TENM3: variants seen among roughly 807,000 people sequenced by gnomAD.
TENM3 encodes teneurin-3.
In TENM3, 63 loss-of-function variants were observed where a neutral mutation model predicts 255.1. That is an observed-to-expected ratio of 0.25 (90% CI 0.20 to 0.30). The LOEUF is 0.30. Among genes scored for constraint, TENM3 ranks in the 10% least tolerant of loss-of-function variants. The probability of loss-of-function intolerance (pLI) is 1.00; values close to 1 mark genes in which losing one functional copy is unlikely to be tolerated. For synonymous variants in TENM3, 1,306 were observed against 1,322.3 expected, an observed-to-expected ratio of 0.99 and a Z score of 0.27; for missense variants, 2,929 against 3,461.1, an observed-to-expected ratio of 0.85 and a Z score of 3.86.
At chr4:182,121,125 A>AGG in the TENM3 span, among the ~76,000 whole-genome samples, 3 of 151,706 alleles carry the variant, frequency 2.0e-5, no homozygotes, top group East Asian at 3.9e-4. Context: ...CAGCCTCCCG[A>AGG]GTAGCTGGGA....
the TENM3 span, among the ~76,000 whole-genome samples, chr4:182,055,209 T>C: frequency 1.1e-3 from 172 of 152,146 alleles, 1 homozygote; most frequent in African/African-American, 4.0e-3. Flanking sequence ...TAGCCCAGCA[T>C]GGTGGTGCAC....
At chr4:181,463,617 G>T in the TENM3 span, among the ~76,000 whole-genome samples, 3 of 152,148 alleles carry the variant, frequency 2.0e-5, no homozygotes, top group Admixed American at 6.5e-5. Flanking sequence ...ATTGTTGGTA[G>T]CAAATTTCTT....
the TENM3 span, among the ~76,000 whole-genome samples, chr4:181,659,293 G>A: frequency 6.6e-6 from 1 of 152,094 alleles, no homozygotes; most frequent in African/African-American, 2.4e-5. Flanking sequence ...GGGTGGGCCA[G>A]TTCCTCCTCT....
At chr4:182,151,380 A>G (rs1028660385) in intron 1 of TENM3, among the ~76,000 whole-genome samples, 2 of 152,124 alleles carry the variant, frequency 1.3e-5, no homozygotes, top group African/African-American at 4.8e-5. Context: ...TTTTCAGTCT[A>G]CCTAATGTTC....
At chr4:181,574,896 A>T in the TENM3 span, among the ~76,000 whole-genome samples, 25 of 152,140 alleles carry the variant, frequency 1.6e-4, 1 homozygote, top group African/African-American at 5.6e-4. Flanking sequence ...AATTATGGAG[A>T]TGCCAATATA....
intron 1 of TENM3, among the ~76,000 whole-genome samples, chr4:182,323,444 A>G (rs1026843608): frequency 5.3e-5 from 8 of 151,804 alleles, no homozygotes; most frequent in South Asian, 2.1e-4. Flanking sequence ...AAAAAGTTCA[A>G]TGCATTTGAC....
At chr4:182,189,829 T>TAGTGC (rs1219522389) in intron 1 of TENM3, among the ~76,000 whole-genome samples, 2 of 152,088 alleles carry the variant, frequency 1.3e-5, no homozygotes, top group Admixed American at 6.5e-5. Flanking sequence ...GAGAACTGAG[T>TAGTGC]AGTGCCAAAG....
the TENM3 span, among the ~76,000 whole-genome samples, chr4:181,860,981 A>G: frequency 6.6e-6 from 1 of 151,926 alleles, no homozygotes; most frequent in Non-Finnish European, 1.5e-5. Context: ...TCTCACAAAC[A>G]GGGGTTGATA....
rs1174074047 is a variant in TENM3, at chr4:182,755,081, C to T, written c.4714C>T (p.Arg1572Cys). The T allele has an allele frequency of 1.2e-6, 2 of 1,613,964 alleles. No individual in the cohort carries two copies. The highest frequency in any genetic ancestry group is 1.7e-6 in the Non-Finnish European group (2 of 1,179,898). Residue 1572 changes from arginine (R) to cysteine (C), a missense_variant, in exon 22 of 28, where the codon CGC (arginine) becomes TGC (cysteine). Physicochemically the swap from Arg to Cys is radical, Grantham distance 180. This residue lies in a region of TENM3 where 1,608 missense variants were observed against 1,884.4 expected (regional missense o/e 0.85). Coordinates refer to ENST00000511685, the MANE Select transcript of TENM3 (RefSeq NM_001080477.4). Reference protein sequence around the residue: ...NTLRIRRDPNRMPVRVVSPDN... With the variant: ...NTLRIRRDPNCMPVRVVSPDN... ...CCTTAGAATTAGACGGGACCCAAAT[C>T]GCATGCCAGTTCGAGTGGTGTCTCC...
the TENM3 span, among the ~76,000 whole-genome samples, chr4:181,674,277 C>A: frequency 6.6e-6 from 1 of 152,238 alleles, no homozygotes; most frequent in East Asian, 1.9e-4. Context: ...GGATTGCAGG[C>A]GTGAGCCACT....
chr4:181,820,486 AAC>A, the TENM3 span, among the ~76,000 whole-genome samples: 1,288 of 148,108 alleles, frequency 8.7e-3, 14 homozygotes, highest in Non-Finnish European at 0.012. Context: ...ATTTTCTTTA[AAC>A]ACACACACAC....
At chr4:182,161,748 T>TACAA (rs1465275762) in intron 1 of TENM3, among the ~76,000 whole-genome samples, 1 of 82,374 alleles carries the variant, frequency 1.2e-5, no homozygotes, top group Non-Finnish European at 2.4e-5. Flanking sequence ...AATATATGTG[T>TACAA]ATATATATAC....
At chr4:182,155,236 G>T (rs188943483) in intron 1 of TENM3, among the ~76,000 whole-genome samples, 12 of 152,172 alleles carry the variant, frequency 7.9e-5, no homozygotes, top group African/African-American at 2.6e-4. Flanking sequence ...TATTTCTGAG[G>T]CTACAAGCTT....
chr4:182,139,615 A>C (rs1206065780), upstream of TENM3, among the ~76,000 whole-genome samples: 1 of 152,236 alleles, frequency 6.6e-6, no homozygotes, highest in Admixed American at 6.5e-5. Context: ...ATAACTCTTA[A>C]AAAGGTTCCA....
chr4:182,079,302 G>A, the TENM3 span, among the ~76,000 whole-genome samples: 1 of 152,130 alleles, frequency 6.6e-6, no homozygotes, highest in Non-Finnish European at 1.5e-5. Context: ...AGATCATGAG[G>A]TCAGGAGATC....
chr4:181,998,939 T>A, the TENM3 span, among the ~76,000 whole-genome samples: 1 of 152,168 alleles, frequency 6.6e-6, no homozygotes, highest in African/African-American at 2.4e-5. Context: ...TCCGGTTTTT[T>A]CAGATGTAAA....
intron 1 of TENM3, among the ~76,000 whole-genome samples, chr4:182,252,212 T>A (rs1758065766): frequency 6.6e-6 from 1 of 151,740 alleles, no homozygotes; most frequent in Admixed American, 6.6e-5. Flanking sequence ...AAAATGTGGT[T>A]GCTGAGAATG....
At chr4:182,656,451 C>A (rs533341305) in intron 6 of TENM3, among the ~76,000 whole-genome samples, 4 of 152,104 alleles carry the variant, frequency 2.6e-5, no homozygotes, top group Non-Finnish European at 5.9e-5. Flanking sequence ...AGGGAGTGGA[C>A]GGGAACTCTA....
the TENM3 span, among the ~76,000 whole-genome samples, chr4:182,132,181 T>A: frequency 6.6e-6 from 1 of 152,178 alleles, no homozygotes; most frequent in African/African-American, 2.4e-5. Context: ...GGTAAATGAA[T>A]TATAAAATGG....
Sources: allele counts gnomAD v4.1 joint callset (sites outside exome capture counted in the v4.1 genomes callset), GRCh38; gene constraint gnomAD v4.1.1; regional missense constraint gnomAD v4.1.1; transcripts MANE v1.5; gene names NCBI Gene and HGNC (gene_info 2026-07-23, HGNC 2026-07-21).